The following PIKFYVE variants were observed in gnomAD, a reference collection of about 807,000 sequenced individuals.
PIKFYVE encodes the protein 1-phosphatidylinositol 3-phosphate 5-kinase.
In PIKFYVE, 122 loss-of-function variants were observed where a neutral mutation model predicts 257.9. That is an observed-to-expected ratio of 0.47 (90% CI 0.41 to 0.55). The LOEUF is 0.55. PIKFYVE is among the 20% of genes least tolerant of loss of function. PIKFYVE has a pLI of 0.00. For synonymous variants in PIKFYVE, 892 were observed against 868.9 expected, an observed-to-expected ratio of 1.03 and a Z score of -0.47; for missense variants, 2,160 against 2,536.6, an observed-to-expected ratio of 0.85 and a Z score of 3.19.
chr2:208,275,185 C>A (rs1283722831), intron 3 of PIKFYVE, among the ~76,000 whole-genome samples: 4 of 152,190 alleles, frequency 2.6e-5, no homozygotes, highest in Non-Finnish European at 5.9e-5. Context: ...ATTTAATTTT[C>A]TAATGTTCAT....
At chr2:208,280,312 T>C (rs1397646617) in intron 5 of PIKFYVE, among the ~76,000 whole-genome samples, 4 of 152,176 alleles carry the variant, frequency 2.6e-5, no homozygotes, top group African/African-American at 9.7e-5. Flanking sequence ...TTGTCTATTC[T>C]AACTGTATGT....
chr2:208,275,545 C>T (rs1047911318), intron 3 of PIKFYVE, among the ~76,000 whole-genome samples: 1 of 152,146 alleles, frequency 6.6e-6, no homozygotes, highest in Non-Finnish European at 1.5e-5. Context: ...GAGGTATGTG[C>T]TAAAATTAAG....
chr2:208,326,144 T>G lies in PIKFYVE; in HGVS notation c.3333T>G (p.Ser1111=), dbSNP rs767765990. Reference sequence around the variant, plus strand: ...AGAAACAGCTGCTCAGGGATCTCTCTGGACTTCAGGGCATGAATGGAAGTA... The same window carrying G: ...AGAAACAGCTGCTCAGGGATCTCTCGGGACTTCAGGGCATGAATGGAAGTA... The part of the protein sequence containing the change: ...RRKKQLLRDL[S]GLQGMNGSIQ... Residue 1111 remains serine (S), a synonymous_variant, in exon 20 of 42, where the codon TCT becomes TCG. Transcript: ENST00000264380. The G allele has an allele frequency of 5.0e-6, 8 of 1,614,156 alleles. No individual in the cohort carries two copies. Among genetic ancestry groups the G allele is most frequent in the Non-Finnish European group, 6.8e-6 (8 of 1,180,032 alleles).
chr2:208,329,054 A>G (rs1036379719), intron 21 of PIKFYVE, among the ~76,000 whole-genome samples: 1 of 152,220 alleles, frequency 6.6e-6, no homozygotes, highest in African/African-American at 2.4e-5. Context: ...ATTGATAGAA[A>G]CTGAAATACA....
intron 23 of PIKFYVE, among the ~76,000 whole-genome samples, 159 bp downstream of exon 23, chr2:208,330,853 A>ATC (rs1490840452): frequency 6.6e-6 from 1 of 151,354 alleles, no homozygotes; most frequent in Non-Finnish European, 1.5e-5. Flanking sequence ...TGTATGTTCA[A>ATC]TCTAGTATTC....
intron 5 of PIKFYVE, among the ~76,000 whole-genome samples, chr2:208,284,929 C>T (rs939930829): frequency 4.0e-5 from 6 of 150,592 alleles, no homozygotes; most frequent in African/African-American, 1.5e-4. Context: ...CTCAAGCAGT[C>T]CTTCTGCCTT....
Position 208,285,714 on chromosome 2 carries a change from T to A in PIKFYVE, c.614-12T>A. 1 of 1,610,934 alleles carries A rather than the reference T, an allele frequency of 6.2e-7. No homozygotes were observed. The highest frequency in any genetic ancestry group is 1.3e-5 in the African/African-American group (1 of 74,978). ...CAATTTCCTTGTTTTTGTTTTTGTT[T>A]TTTTCTCCTAGGAGACCTCCGAGCT... On this transcript the variant is annotated splice_polypyrimidine_tract_variant and intron_variant, in intron 5 of 41. Transcript: ENST00000264380.
intron 34 of PIKFYVE, among the ~76,000 whole-genome samples, chr2:208,346,603 T>G (rs1481133720): frequency 6.6e-6 from 1 of 152,232 alleles, no homozygotes; most frequent in African/African-American, 2.4e-5. Flanking sequence ...AATTTAGATT[T>G]AGTAACTTGT....
intron 5 of PIKFYVE, among the ~76,000 whole-genome samples, chr2:208,278,864 A>G (rs1690446081): frequency 6.6e-6 from 1 of 152,220 alleles, no homozygotes; most frequent in Admixed American, 6.5e-5. Context: ...TACAATGAAC[A>G]TACGAGTACA....
At chr2:208,344,180 A>G (rs548937305) in intron 32 of PIKFYVE, among the ~76,000 whole-genome samples, 1 of 152,210 alleles carries the variant, frequency 6.6e-6, no homozygotes, top group Admixed American at 6.5e-5. Context: ...AAGATGTTTA[A>G]AGCAATTTTT....
intron 5 of PIKFYVE, among the ~76,000 whole-genome samples, chr2:208,281,403 T>A (rs1690789160): frequency 6.6e-6 from 1 of 152,234 alleles, no homozygotes; most frequent in Admixed American, 6.5e-5. Flanking sequence ...TTATATTCTT[T>A]CCACTATTAT....
rs1490501268 is a variant in PIKFYVE, at chr2:208,317,871, C to T, written c.2012C>T (p.Pro671Leu). The T allele has an allele frequency of 6.2e-7, 1 of 1,611,856 alleles. No individual in the cohort carries two copies. The highest frequency in any genetic ancestry group is 1.1e-5 in the South Asian group (1 of 91,022). ...TTTTCTTAATTGTTCCATTAGATCC[C>T]AGGTGGAAAGAAGTTTGATTCTGTG... ...IRQFVHIKKIPGGKKFDSVVV... is the reference protein window; with the variant it reads ...IRQFVHIKKILGGKKFDSVVV... The change falls in exon 16 of 42, where the codon CCA (proline) becomes CTA (leucine). Residue 671 changes from proline to leucine, a missense_variant. Coordinates refer to ENST00000264380, the MANE Select transcript of PIKFYVE (RefSeq NM_015040.4).
At chr2:208,318,356 T>G (rs2125502347) in intron 16 of PIKFYVE, among the ~76,000 whole-genome samples, 1 of 152,302 alleles carries the variant, frequency 6.6e-6, no homozygotes, top group Non-Finnish European at 1.5e-5. Context: ...GTTATCCTTC[T>G]CACCTTATAT....
At position 208,273,680 on chromosome 2, in the gene PIKFYVE, C is replaced by T. The variant is rs773199175; in HGVS notation, c.269C>T (p.Thr90Ile). ...PSRTQSVRSP[T>I]PYKKQLNEEL... Reference sequence around the variant, plus strand: ...AGGACACAGTCTGTTAGGTCACCCACACCTTATAAAAAGCAGCTTAATGAG... The same window carrying T: ...AGGACACAGTCTGTTAGGTCACCCATACCTTATAAAAAGCAGCTTAATGAG... The change falls in exon 3 of 42, where the codon ACA becomes ATA. Residue 90 changes from threonine to isoleucine, a missense_variant. By Grantham distance (89) the Thr-to-Ile change is moderately conservative. Transcript: ENST00000264380. The T allele has an allele frequency of 3.1e-6, 5 of 1,614,126 alleles. No individual in the cohort carries two copies. Among genetic ancestry groups the T allele is most frequent in the South Asian group, 2.2e-5 (2 of 91,092 alleles).
intron 3 of PIKFYVE, among the ~76,000 whole-genome samples, chr2:208,274,509 C>T (rs1373961776): frequency 6.6e-6 from 1 of 152,126 alleles, no homozygotes; most frequent in Admixed American, 6.5e-5. Context: ...GGCTGATCTT[C>T]CCCCAGATAG....
At chr2:208,351,079 A>G (rs991450938) in intron 37 of PIKFYVE, 132 bp downstream of exon 37, 4 of 1,250,638 alleles carry the variant, frequency 3.2e-6, no homozygotes, top group South Asian at 1.4e-5. Context: ...AGAGGTGTTT[A>G]TAAAGTTTTA....
chr2:208,343,915 T>A (rs150421009), intron 32 of PIKFYVE, among the ~76,000 whole-genome samples: 2,150 of 150,956 alleles, frequency 0.014, 23 homozygotes, highest in Middle Eastern at 0.065. Flanking sequence ...CACTGCAAGC[T>A]CCGCCTCCGG....
intron 31 of PIKFYVE, among the ~76,000 whole-genome samples, chr2:208,341,414 T>A (rs779034926): frequency 2.6e-5 from 4 of 152,144 alleles, no homozygotes; most frequent in Non-Finnish European, 5.9e-5. Context: ...TAAGAAGAAT[T>A]TACTAGACCT....
chr2:208,293,826 T>A (rs2125246133), intron 7 of PIKFYVE, among the ~76,000 whole-genome samples: 1 of 152,236 alleles, frequency 6.6e-6, no homozygotes, highest in Admixed American at 6.5e-5. Flanking sequence ...TTTAAGGTGG[T>A]CTTTTTCAAG....
Sources: allele counts gnomAD v4.1 joint callset (sites outside exome capture counted in the v4.1 genomes callset), GRCh38; gene constraint gnomAD v4.1.1; transcripts MANE v1.5; gene names NCBI Gene and HGNC (gene_info 2026-07-23, HGNC 2026-07-21).